Variants in FRYL observed in about 807,000 individuals in gnomAD.
FRYL encodes the protein FRY like transcription coactivator, also known as protein furry homolog-like.
Under a neutral mutation model 351.2 loss-of-function variants are expected in FRYL, and 150 were observed. The ratio of observed to expected loss-of-function variants is 0.43; its 90% confidence interval spans 0.37 to 0.49. The LOEUF is 0.49. Among genes scored for constraint, FRYL ranks in the 20% least tolerant of loss-of-function variants. The probability of loss-of-function intolerance (pLI) is 0.00; values close to 1 mark genes in which losing one functional copy is unlikely to be tolerated. For missense variants in FRYL, 3,036 were observed against 3,619.3 expected, an observed-to-expected ratio of 0.84 and a Z score of 4.13; for synonymous variants, 1,153 against 1,257.1, an observed-to-expected ratio of 0.92 and a Z score of 1.75.
intron 52 of FRYL, 113 bp downstream of exon 52, chr4:48,527,858 G>C: frequency 9.8e-7 from 1 of 1,023,020 alleles, no homozygotes; most frequent in Non-Finnish European, 1.4e-6. Context: ...TTTTCATTCT[G>C]AGTTAATACC....
chr4:48,672,027 C>T (rs1762845070), intron 3 of FRYL, among the ~76,000 whole-genome samples: 1 of 152,084 alleles, frequency 6.6e-6, no homozygotes, highest in Admixed American at 6.6e-5. Context: ...TGACAGAATG[C>T]TCCAAGGTTA....
chr4:48,673,456 T>C (rs1261759597), intron 3 of FRYL, among the ~76,000 whole-genome samples: 1 of 152,156 alleles, frequency 6.6e-6, no homozygotes, highest in Non-Finnish European at 1.5e-5. Context: ...GATGTCATCA[T>C]TGGATACTGC....
At chr4:48,539,895 A>G in intron 47 of FRYL, 76 bp downstream of exon 47, 1 of 1,061,582 alleles carries the variant, frequency 9.4e-7, no homozygotes, top group Non-Finnish European at 1.4e-6. Flanking sequence ...GAGTTTTAAG[A>G]GATTTCCCCC....
chr4:48,613,974 A>G (rs1748808756), intron 7 of FRYL, among the ~76,000 whole-genome samples: 1 of 149,924 alleles, frequency 6.7e-6, no homozygotes, highest in African/African-American at 2.5e-5. Flanking sequence ...AAAAAAAGGC[A>G]TTTGAATAAA....
In FRYL at chr4:48,497,571, G is replaced by C. The variant is rs1718705420; in HGVS notation, c.*1851C>G. The C allele has an allele frequency of 6.6e-6, 1 of 152,560 alleles. No individual in the cohort carries two copies. The highest frequency in any genetic ancestry group is 1.5e-5 in the Non-Finnish European group (1 of 68,024). 9.5% of individuals were successfully genotyped at this position (152,560 alleles called of 1,614,324 possible). ...TGTTAAAATACAACACAAACCAACAGCTACAATGCTTTTTATTTTTAACAA... is the reference window on the plus strand; with the variant it reads ...TGTTAAAATACAACACAAACCAACACCTACAATGCTTTTTATTTTTAACAA... On this transcript the variant is annotated 3_prime_UTR_variant, in exon 64 of 64. Coordinates refer to ENST00000358350, the MANE Select transcript of FRYL (RefSeq NM_015030.2).
intron 54 of FRYL, among the ~76,000 whole-genome samples, chr4:48,521,643 C>T (rs1316550939): frequency 6.6e-6 from 1 of 152,180 alleles, no homozygotes; most frequent in Non-Finnish European, 1.5e-5. Flanking sequence ...ATATGCAGAT[C>T]TGCAATAACC....
chr4:48,587,262 C>T (rs145642279), intron 18 of FRYL, among the ~76,000 whole-genome samples: 64 of 152,114 alleles, frequency 4.2e-4, no homozygotes, highest in African/African-American at 1.4e-3. Context: ...AATACACATA[C>T]TTAAAATTTC....
chr4:48,635,708 T>C (rs1388466573), intron 3 of FRYL, among the ~76,000 whole-genome samples: 1 of 152,194 alleles, frequency 6.6e-6, no homozygotes, highest in Non-Finnish European at 1.5e-5. Context: ...GCTATGTCGA[T>C]CCCATATCCT....
chr4:48,779,145 G>A (rs1310015147), intron 1 of FRYL, among the ~76,000 whole-genome samples: 2 of 152,104 alleles, frequency 1.3e-5, no homozygotes, highest in Admixed American at 6.5e-5. Flanking sequence ...AAATCATTTC[G>A]CCCTAGAAAC....
At chr4:48,754,796 C>A (rs753066789) in intron 1 of FRYL, among the ~76,000 whole-genome samples, 2 of 152,064 alleles carry the variant, frequency 1.3e-5, no homozygotes, top group Non-Finnish European at 2.9e-5. Context: ...CATGAGCCAC[C>A]ATGCCTTGCT....
At chr4:48,741,339 G>A (rs1298633560) in intron 1 of FRYL, among the ~76,000 whole-genome samples, 1 of 152,042 alleles carries the variant, frequency 6.6e-6, no homozygotes, top group Non-Finnish European at 1.5e-5. Flanking sequence ...ATCAGATCGA[G>A]ACCATCCTAG....
At chr4:48,643,067 C>T (rs1755640302) in intron 3 of FRYL, among the ~76,000 whole-genome samples, 1 of 152,188 alleles carries the variant, frequency 6.6e-6, no homozygotes, top group Non-Finnish European at 1.5e-5. Context: ...AGTGAAAAAG[C>T]TATTGTGGCT....
intron 1 of FRYL, among the ~76,000 whole-genome samples, chr4:48,745,363 T>A (rs1772551533): frequency 6.6e-6 from 1 of 152,112 alleles, no homozygotes; most frequent in Non-Finnish European, 1.5e-5. Context: ...CAAATGTCCA[T>A]CAATGATAGA....
intron 3 of FRYL, among the ~76,000 whole-genome samples, chr4:48,668,064 C>G (rs1226511332): frequency 6.6e-6 from 1 of 152,176 alleles, no homozygotes; most frequent in Non-Finnish European, 1.5e-5. Flanking sequence ...AAGGCCAAAT[C>G]TGGCCCAACA....
intron 53 of FRYL, among the ~76,000 whole-genome samples, chr4:48,527,151 CAT>C (rs1726435884): frequency 6.6e-6 from 1 of 152,094 alleles, no homozygotes; most frequent in African/African-American, 2.4e-5. Flanking sequence ...AATCAATTCT[CAT>C]ATAAATTTTT....
At position 48,549,365 on chromosome 4, in the gene FRYL, C is replaced by G; in HGVS notation, c.4784+108G>C. The G allele has an allele frequency of 1.1e-6, 1 of 922,844 alleles. No individual in the cohort carries two copies. Among genetic ancestry groups the G allele is most frequent in the Non-Finnish European group, 1.6e-6 (1 of 628,968 alleles). The allele number at this position is 922,844 out of a possible 1,614,324, so 57.2% of individuals were successfully genotyped here. A position where few individuals can be genotyped will look rare whatever the true frequency, so the allele number is the denominator to read the frequency against. On this transcript the variant is annotated intron_variant, in intron 39 of 63. Coordinates refer to ENST00000358350, the MANE Select transcript of FRYL (RefSeq NM_015030.2). The surrounding 1 kb of genome is among the most constrained non-coding windows in gnomAD (Gnocchi z 4.2). ...CACATTGATCTGTGTTGCAGTATCT[C>G]CATAAAGAAGATTGCTTTCATTCTG...
At chr4:48,778,434 T>A (rs747671162) in intron 1 of FRYL, among the ~76,000 whole-genome samples, 1 of 151,820 alleles carries the variant, frequency 6.6e-6, no homozygotes, top group Non-Finnish European at 1.5e-5. Context: ...CACGATGGAA[T>A]GCTATTTTTG....
chr4:48,713,103 C>T (rs893287070), intron 1 of FRYL, among the ~76,000 whole-genome samples: 3 of 151,886 alleles, frequency 2.0e-5, no homozygotes, highest in Non-Finnish European at 2.9e-5. Context: ...AAGGAACGAC[C>T]GGTACCAGCC....
At position 48,630,706 on chromosome 4, in the gene FRYL, C is replaced by T. The variant is rs193213252; in HGVS notation, c.120+3585G>A. Among the ~76,000 whole-genome samples, 28 of 152,276 alleles carry T rather than the reference C, an allele frequency of 1.8e-4. No individual in the cohort carries two copies. In the South Asian group the frequency reaches 5.8e-3, roughly 32 times the overall value. ...CTAAAAATCCAACTCAGCTAATCTT[C>T]GAGTCTTTTGGCTTCCTTAATCTTC... is the stretch of plus-strand genomic sequence containing the variant. On this transcript the variant is annotated intron_variant, in intron 4 of 63. Coordinates refer to ENST00000358350, the MANE Select transcript of FRYL (RefSeq NM_015030.2).
Sources: allele counts gnomAD v4.1 joint callset (sites outside exome capture counted in the v4.1 genomes callset), GRCh38; gene constraint gnomAD v4.1.1; non-coding constraint Gnocchi (gnomAD v3.1); transcripts MANE v1.5; gene names NCBI Gene and HGNC (gene_info 2026-07-23, HGNC 2026-07-21).